SPTBN4: variants seen among roughly 807,000 people sequenced by gnomAD.
SPTBN4 encodes spectrin beta chain, non-erythrocytic 4.
In SPTBN4, 96 loss-of-function variants were observed where a neutral mutation model predicts 277.8. The observed-to-expected ratio is 0.35, with a 90% CI of 0.29 to 0.41. The LOEUF (loss-of-function observed/expected upper bound fraction) is 0.41. Among genes scored for constraint, SPTBN4 ranks in the 10% least tolerant of loss-of-function variants. The probability of loss-of-function intolerance (pLI) is 1.00; values close to 1 mark genes in which losing one functional copy is unlikely to be tolerated. For synonymous variants in SPTBN4, 1,481 were observed against 1,580.3 expected (o/e 0.94, Z 1.49); for missense variants, 3,006 against 3,595.7 (o/e 0.84, Z 4.19).
rs1432132279 is a variant in SPTBN4 at position 40,467,495 on chromosome 19, AC to A, written c.-16+195del. 1.5e-4 allele frequency among the ~76,000 whole-genome samples: 22 copies of A among 151,454 alleles called. No individual in the cohort carries two copies. The East Asian group carries it at 3.7e-3, about 26-fold the overall frequency. ...AGCTTCCGCGCCACGCGTGGGTCTT[AC>A]CCCCAGGCCTTGTCCTTCCCAGGCC... On this transcript the variant is annotated intron_variant, in intron 1 of 35. Coordinates refer to ENST00000598249, the MANE Select transcript of SPTBN4 (RefSeq NM_020971.3).
intron 1 of SPTBN4, among the ~76,000 whole-genome samples, chr19:40,470,548 C>T (rs1408319886): frequency 6.6e-6 from 1 of 151,540 alleles, no homozygotes; most frequent in Non-Finnish European, 1.5e-5. Context: ...CTCAAGCGAT[C>T]TGCCTGCCTT....
chr19:40,550,460 G>A, intron 22 of SPTBN4, 133 bp downstream of exon 22: 1 of 743,906 alleles, frequency 1.3e-6, no homozygotes, highest in Non-Finnish European at 2.2e-6. Flanking sequence ...AGCAGATACA[G>A]ATGTATCCAG....
rs2080454016 is a variant in SPTBN4, at chr19:40,516,002, C to CACATATATAT, written c.2903+554_2903+555insACATATATAT. Among the ~76,000 whole-genome samples, 11 of 128,104 alleles carry CACATATATAT rather than the reference C, an allele frequency of 8.6e-5. No individual in the cohort carries two copies. In the South Asian group the frequency reaches 1.4e-3, roughly 17 times the overall value. The allele number at this position is 128,104 out of a possible 152,430, so 84.0% of individuals were successfully genotyped here. The stretch of plus-strand genomic sequence containing the variant: ...ATATACGTATATATACACATATATA[C>CACATATATAT]GTATATATACACACATATACGTATA... On this transcript the variant is annotated intron_variant, in intron 15 of 35. Transcript: ENST00000598249.
rs1432526152 is a variant in SPTBN4 at position 40,490,186 on chromosome 19, A to T, written c.433A>T (p.Ile145Phe). ...VHLENVGSHDIVDGNHRLTLG... is the reference protein window; with the variant it reads ...VHLENVGSHDFVDGNHRLTLG... ...CCTGGAGAACGTGGGTTCGCATGAC[A>T]TCGTGGATGGGAATCACCGGCTGAC... The change falls in exon 4 of 36, where the codon ATC becomes TTC. Residue 145 changes from isoleucine to phenylalanine, a missense_variant. By Grantham distance (21) the Ile-to-Phe change is conservative. This residue lies in a region of SPTBN4 where 114 missense variants were observed against 196.1 expected (regional missense o/e 0.58). Transcript: ENST00000598249. The surrounding 1 kb of genome is among the most constrained non-coding windows in gnomAD (Gnocchi z 4.3). The T allele has an allele frequency of 6.2e-7, 1 of 1,614,224 alleles. No homozygotes were observed. Among genetic ancestry groups the T allele is most frequent in the South Asian group, 1.1e-5 (1 of 91,082 alleles).
chr19:40,575,594 A>G lies in SPTBN4; in HGVS notation c.*25A>G, dbSNP rs781469503. On this transcript the variant is annotated 3_prime_UTR_variant, in exon 36 of 36. Coordinates refer to ENST00000598249, the MANE Select transcript of SPTBN4 (RefSeq NM_020971.3). ...ACTTCCCACCCCCAGGACCTGACAC[A>G]TCTCGTCTCCCCTCTTTTCCGCACT... 6.3e-7 allele frequency: 1 copy of G among 1,596,128 alleles called. No homozygotes were observed.
chr19:40,575,139 G>T (rs1182751922), intron 35 of SPTBN4, among the ~76,000 whole-genome samples: 2 of 151,914 alleles, frequency 1.3e-5, no homozygotes, highest in African/African-American at 2.4e-5. Flanking sequence ...TGCTCTAGTA[G>T]TGCCTGCCCA....
At position 40,512,724 on chromosome 19, in the gene SPTBN4, C is replaced by G. The variant is rs2080404893; in HGVS notation, c.1935C>G (p.Ser645Arg). Residue 645 changes from serine to arginine, a missense_variant, in exon 14 of 36, where the codon AGC becomes AGG. Around this residue, in one of 5 missense-constraint regions of SPTBN4, gnomAD observed 1,759 missense variants for 2,061.5 expected, o/e 0.85. Transcript: ENST00000598249. ...RRRAELEASR[S>R]LWALLQELEE... The stretch of plus-strand genomic sequence containing the variant: ...GCGCGGAGCTGGAGGCTTCGCGGAG[C>G]CTGTGGGCGCTGCTGCAGGAGCTGG... 6.6e-7 allele frequency: 1 copy of G among 1,523,676 alleles called. No individual in the cohort carries two copies. The highest frequency in any genetic ancestry group is 8.8e-7 in the Non-Finnish European group (1 of 1,142,586). The allele number at this position is 1,523,676 out of a possible 1,614,324, so 94.4% of individuals were successfully genotyped here.
rs142540130 is a variant in SPTBN4 at position 40,553,488 on chromosome 19, G to C, written c.4675-659G>C. 2.4e-3 allele frequency among the ~76,000 whole-genome samples: 362 copies of C among 152,210 alleles called. 2 individuals are homozygous for C. Among genetic ancestry groups the C allele is most frequent in the African/African-American group, 8.5e-3 (354 of 41,538 alleles). ...AAAAAGCAAAATAAGGAGAGGACTT[G>C]CTGGCTGTTATTATCTTTATCAGTT... On this transcript the variant is annotated intron_variant, in intron 22 of 35. Transcript: ENST00000598249.
At position 40,554,681 on chromosome 19, in the gene SPTBN4, C is replaced by A; in HGVS notation, c.5084+35C>A. 1 of 1,590,546 alleles carries A rather than the reference C, an allele frequency of 6.3e-7. No individual in the cohort carries two copies. Among genetic ancestry groups the A allele is most frequent in the South Asian group, 1.2e-5 (1 of 86,864 alleles). ...CGCGTGGCCAGTTCACAGGAATGGT[C>A]CAGCAGGACCTGAAGCTTCGCTGTT... On this transcript the variant is annotated intron_variant, in intron 24 of 35. Transcript: ENST00000598249. This position sits in a 1 kb window ranked among gnomAD's most constrained non-coding sequence, Gnocchi z 5.7.
chr19:40,480,650 T>C (rs1281164554), intron 2 of SPTBN4, among the ~76,000 whole-genome samples: 1 of 152,184 alleles, frequency 6.6e-6, no homozygotes, highest in Non-Finnish European at 1.5e-5. Flanking sequence ...CTCCCTGTGC[T>C]TGTGGGGTGG....
At position 40,474,432 on chromosome 19, in the gene SPTBN4, AT is replaced by A. The variant is rs1166054943; in HGVS notation, c.169+1658del. Among the ~76,000 whole-genome samples, 456 of 132,630 alleles carry A rather than the reference AT, an allele frequency of 3.4e-3. 1 individual carries two copies. The highest frequency in any genetic ancestry group is 0.023 in the Middle Eastern group (6 of 264). 87.0% of individuals were successfully genotyped at this position (132,630 alleles called of 152,430 possible). ...AACCAGTACAGTGGGTCACCCTACC[AT>A]TTTTTTTTTTTTTTTGAGTCAGGGT... On this transcript the variant is annotated intron_variant, in intron 2 of 35. Coordinates refer to ENST00000598249, the MANE Select transcript of SPTBN4 (RefSeq NM_020971.3).
At chr19:40,476,360 AAAAG>A (rs1308097821) in intron 2 of SPTBN4, among the ~76,000 whole-genome samples, 3 of 151,582 alleles carry the variant, frequency 2.0e-5, no homozygotes, top group Non-Finnish European at 4.4e-5. Flanking sequence ...AAAAAAAAAA[AAAAG>A]AGAGAGAGAG....
At position 40,502,360 on chromosome 19, in the gene SPTBN4, G is replaced by A. The variant is rs749000565; in HGVS notation, c.1086-30G>A. ...GGAGGGTGGGCAGGGGTGGCATGAC[G>A]GCAGGGCTCCTGAGCTCATGCCCCT... On this transcript the variant is annotated intron_variant, in intron 9 of 35. Transcript: ENST00000598249. This position sits in a 1 kb window ranked among gnomAD's most constrained non-coding sequence, Gnocchi z 4.9. The A allele has an allele frequency of 2.2e-5, 36 of 1,609,394 alleles. No individual in the cohort carries two copies. The highest frequency in any genetic ancestry group is 5.0e-5 in the Admixed American group (3 of 59,928).
At chr19:40,483,673 A>G (rs2080037326) in intron 2 of SPTBN4, among the ~76,000 whole-genome samples, 1 of 152,180 alleles carries the variant, frequency 6.6e-6, no homozygotes, top group African/African-American at 2.4e-5. Flanking sequence ...TGAGAAAGTG[A>G]TGGCAGAAAA....
chr19:40,560,706 T>G lies in SPTBN4; in HGVS notation c.5915+303T>G, dbSNP rs1010189067. ...CTAAAGACAGGATGGGCAAGGGAGGTGTGGGACTGTATTTGTGAGGGTGGG... is the reference window on the plus strand; with the variant it reads ...CTAAAGACAGGATGGGCAAGGGAGGGGTGGGACTGTATTTGTGAGGGTGGG... On this transcript the variant is annotated intron_variant, in intron 27 of 35. Coordinates refer to ENST00000598249, the MANE Select transcript of SPTBN4 (RefSeq NM_020971.3). The surrounding 1 kb of genome is among the most constrained non-coding windows in gnomAD (Gnocchi z 5.2). The G allele has an allele frequency of 6.5e-5, 92 of 1,404,658 alleles. No homozygotes were observed. Among genetic ancestry groups the G allele is most frequent in the Non-Finnish European group, 7.9e-5 (85 of 1,082,708 alleles). The allele number at this position is 1,404,658 out of a possible 1,614,324, so 87.0% of individuals were successfully genotyped here. A position where few individuals can be genotyped will look rare whatever the true frequency, so the allele number is the denominator to read the frequency against.
At chr19:40,558,871 G>T (rs570683912) in intron 26 of SPTBN4, among the ~76,000 whole-genome samples, 6 of 150,130 alleles carry the variant, frequency 4.0e-5, no homozygotes, top group African/African-American at 1.5e-4. Context: ...GCCTCCCAAA[G>T]TGCTGGGATT....
At chr19:40,467,431 T>G (rs566435006) in intron 1 of SPTBN4, 126 bp downstream of exon 1, 5 of 152,310 alleles carry the variant, frequency 3.3e-5, no homozygotes, top group Non-Finnish European at 7.3e-5. Flanking sequence ...AGGCAAAGGG[T>G]CGAGGGCAGG....
At position 40,554,251 on chromosome 19, in the gene SPTBN4, C is replaced by G. The variant is rs777824699; in HGVS notation, c.4779C>G (p.Arg1593=). 1.3e-6 allele frequency: 2 copies of G among 1,528,198 alleles called. No homozygotes were observed. The highest frequency in any genetic ancestry group is 1.7e-6 in the Non-Finnish European group (2 of 1,144,448). 94.7% of individuals were successfully genotyped at this position (1,528,198 alleles called of 1,614,324 possible). A position where few individuals can be genotyped will look rare whatever the true frequency, so the allele number is the denominator to read the frequency against. Residue 1593 remains arginine, a synonymous_variant, in exon 23 of 36, where the codon CGC becomes CGG. Coordinates refer to ENST00000598249, the MANE Select transcript of SPTBN4 (RefSeq NM_020971.3). This position sits in a 1 kb window ranked among gnomAD's most constrained non-coding sequence, Gnocchi z 5.7. ...GCAGCCCGGAGGCAGAGGCAGTGCGCCGGGGCCTGGAGCAGCTGCAGAGCG... is the reference window on the plus strand; with the variant it reads ...GCAGCCCGGAGGCAGAGGCAGTGCGGCGGGGCCTGGAGCAGCTGCAGAGCG... The part of the protein sequence containing the change: ...SLRSPEAEAV[R]RGLEQLQSAW...
chr19:40,513,633 T>G (rs902209628), intron 14 of SPTBN4, 79 bp downstream of exon 14: 3 of 1,367,632 alleles, frequency 2.2e-6, no homozygotes, highest in Non-Finnish European at 2.9e-6. Context: ...ACAGTTCCCA[T>G]GTTTGCTCAG....
Sources: gnomAD v4.1 joint callset for allele counts (sites outside exome capture counted in the v4.1 genomes callset) on GRCh38, gnomAD v4.1.1 for gene constraint, gnomAD v4.1.1 regional missense constraint, Gnocchi (gnomAD v3.1) non-coding constraint, MANE v1.5 for transcripts, NCBI Gene and HGNC (gene_info 2026-07-23, HGNC 2026-07-21) for gene names.